The following SLK variants were observed in gnomAD, a reference collection of about 807,000 sequenced individuals.
SLK encodes STE20 like kinase.
SLK carries 67 observed loss-of-function variants against 147.7 expected under a neutral mutation model. The observed-to-expected ratio is 0.45, with a 90% CI of 0.37 to 0.56. SLK has a LOEUF of 0.56. SLK is among the 20% of genes least tolerant of loss of function. The probability of loss-of-function intolerance (pLI) is 0.00; values close to 1 mark genes in which losing one functional copy is unlikely to be tolerated. For missense variants in SLK, 1,136 were observed against 1,438.8 expected, an observed-to-expected ratio of 0.79 and a Z score of 3.41; for synonymous variants, 441 against 475.0, an observed-to-expected ratio of 0.93 and a Z score of 0.93.
Position 103,967,628 on chromosome 10 carries a change from C to T in SLK, c.-118C>T. Reference sequence around the variant, plus strand: ...ACCGCCCGGCCGGAGCTGCGGGGGCCGAGGGACGCCGCGCCCGCCGCCGCC... The same window carrying T: ...ACCGCCCGGCCGGAGCTGCGGGGGCTGAGGGACGCCGCGCCCGCCGCCGCC... On this transcript the variant is annotated 5_prime_UTR_variant, in exon 1 of 19. Transcript: ENST00000369755. The T allele has an allele frequency of 2.5e-6, 2 of 791,574 alleles. No individual in the cohort carries two copies. The highest frequency in any genetic ancestry group is 3.5e-6 in the Non-Finnish European group (2 of 575,748). 49.0% of individuals were successfully genotyped at this position (791,574 alleles called of 1,614,324 possible).
In SLK at chr10:104,021,743, A is replaced by C. The variant is rs1844537272; in HGVS notation, c.3561+10A>C. On this transcript the variant is annotated intron_variant, in intron 18 of 18. Coordinates refer to ENST00000369755, the MANE Select transcript of SLK (RefSeq NM_014720.4). Reference sequence around the variant, plus strand: ...GAGACCTAGGAAAAAGGTAATTTTAAAAGCTTTAATTAAAATGATATGTGT... The same window carrying C: ...GAGACCTAGGAAAAAGGTAATTTTACAAGCTTTAATTAAAATGATATGTGT... 1.4e-6 allele frequency: 2 copies of C among 1,455,884 alleles called. No individual in the cohort carries two copies. The highest frequency in any genetic ancestry group is 1.9e-6 in the Non-Finnish European group (2 of 1,040,388). The allele number at this position is 1,455,884 out of a possible 1,614,324, so 90.2% of individuals were successfully genotyped here. A position where few individuals can be genotyped will look rare whatever the true frequency, so the allele number is the denominator to read the frequency against.
intron 1 of SLK, among the ~76,000 whole-genome samples, chr10:103,982,821 AC>A (rs1843963803): frequency 6.6e-6 from 1 of 152,226 alleles, no homozygotes; most frequent in Non-Finnish European, 1.5e-5. Context: ...TGAAGAGATG[AC>A]CAGAGGACGG....
intron 1 of SLK, among the ~76,000 whole-genome samples, chr10:103,981,183 G>GT (rs60741360): frequency 1.3e-5 from 2 of 148,702 alleles, no homozygotes; most frequent in South Asian, 2.1e-4. Flanking sequence ...CTAGTTGTGG[G>GT]TTTTTTTTGT....
chr10:103,977,911 A>G (rs1286620684), intron 1 of SLK, among the ~76,000 whole-genome samples: 2 of 152,206 alleles, frequency 1.3e-5, no homozygotes, highest in Non-Finnish European at 2.9e-5. Flanking sequence ...GAACATACAC[A>G]TATCAACTAC....
intron 15 of SLK, 132 bp from the exon 16 acceptor site, chr10:104,019,602 A>G (rs1814402933): frequency 1.4e-6 from 1 of 740,430 alleles, no homozygotes; most frequent in Admixed American, 2.3e-5. Flanking sequence ...TGTGCCTAGT[A>G]TTTTGCTGGT....
chr10:103,971,430 G>A (rs1269043602), intron 1 of SLK, among the ~76,000 whole-genome samples: 2 of 151,972 alleles, frequency 1.3e-5, no homozygotes, highest in Admixed American at 1.3e-4. Context: ...ACGCACCACC[G>A]TGCCGGGCTA....
At position 103,999,270 on chromosome 10, in the gene SLK, A is replaced by G; in HGVS notation, c.739A>G (p.Ile247Val). 6.2e-7 allele frequency: 1 copy of G among 1,613,308 alleles called. No individual in the cohort carries two copies. The highest frequency in any genetic ancestry group is 1.1e-5 in the South Asian group (1 of 90,870). Residue 247 changes from isoleucine (I) to valine (V), a missense_variant, in exon 6 of 19, where the codon ATA becomes GTA. Around this residue, in one of 6 missense-constraint regions of SLK, gnomAD observed 141 missense variants for 219.3 expected, o/e 0.64. Transcript: ENST00000369755. ...AAATCCAATGCGAGTGCTGCTAAAA[A>G]TAGCAAAATCTGAGCCACCTACATT... ...ELNPMRVLLK[I>V]AKSEPPTLAQ...
chr10:103,997,648 T>C (rs1844192851), intron 4 of SLK, among the ~76,000 whole-genome samples: 1 of 152,158 alleles, frequency 6.6e-6, no homozygotes, highest in East Asian at 1.9e-4. Flanking sequence ...ATGAATTTGT[T>C]GTATTATTTG....
intron 3 of SLK, 37 bp from the exon 4 acceptor site, chr10:103,992,947 T>C (rs1006729700): frequency 3.2e-6 from 5 of 1,545,302 alleles, no homozygotes; most frequent in South Asian, 1.2e-5. Flanking sequence ...TTTCACTGTA[T>C]AAAAAGCAGA....
At chr10:103,994,408 C>T (rs754090307) in intron 4 of SLK, among the ~76,000 whole-genome samples, 12 of 152,126 alleles carry the variant, frequency 7.9e-5, no homozygotes, top group Non-Finnish European at 1.8e-4. Context: ...GGCTTAGTCA[C>T]CCAGTATTCA....
At chr10:103,995,631 G>T (rs1433327848) in intron 4 of SLK, among the ~76,000 whole-genome samples, 1 of 151,772 alleles carries the variant, frequency 6.6e-6, no homozygotes, top group Non-Finnish European at 1.5e-5. Context: ...TCACCATGTT[G>T]ACCGGGCTGG....
rs1589547808 is a variant in SLK at position 104,020,544 on chromosome 10, A to G, written c.3378A>G (p.Lys1126=). 6.2e-7 allele frequency: 1 copy of G among 1,614,018 alleles called. No homozygotes were observed. Among genetic ancestry groups the G allele is most frequent in the Non-Finnish European group, 8.5e-7 (1 of 1,179,922 alleles). ...ATGAGAGAATGGCTCAGCATCAGAAACATGAGAATCAAATGCGAGATCTTC... is the reference window on the plus strand; with the variant it reads ...ATGAGAGAATGGCTCAGCATCAGAAGCATGAGAATCAAATGCGAGATCTTC... ...QKNERMAQHQ[K]HENQMRDLQL... The change falls in exon 17 of 19, where the codon AAA becomes AAG. Residue 1126 remains lysine, a synonymous_variant. Coordinates refer to ENST00000369755, the MANE Select transcript of SLK (RefSeq NM_014720.4).
chr10:103,985,583 C>G (rs941567247), intron 1 of SLK, among the ~76,000 whole-genome samples: 9 of 151,960 alleles, frequency 5.9e-5, no homozygotes, highest in African/African-American at 2.2e-4. Flanking sequence ...TTTTTAGATT[C>G]CTTTTGTATT....
chr10:104,017,156 A>T (rs1209755462), intron 13 of SLK, among the ~76,000 whole-genome samples: 1 of 152,224 alleles, frequency 6.6e-6, no homozygotes, highest in Non-Finnish European at 1.5e-5. Flanking sequence ...ATTCGGGTAG[A>T]TAGTATGTAC....
chr10:104,008,558 G>A (rs914448031), intron 12 of SLK, among the ~76,000 whole-genome samples: 1 of 152,170 alleles, frequency 6.6e-6, no homozygotes, highest in Non-Finnish European at 1.5e-5. Flanking sequence ...GAAAACTGGA[G>A]TAAGAGAGGT....
chr10:104,008,149 TA>T, intron 11 of SLK, 27 bp from the exon 12 acceptor site: 1 of 1,575,728 alleles, frequency 6.3e-7, no homozygotes, highest in Non-Finnish European at 8.6e-7. Context: ...ATGGAAAAGT[TA>T]TCATCTTGAG....
At chr10:103,981,221 G>T (rs950824299) in intron 1 of SLK, among the ~76,000 whole-genome samples, 24 of 151,878 alleles carry the variant, frequency 1.6e-4, no homozygotes, top group Non-Finnish European at 3.1e-4. Context: ...TTGAGTTTTA[G>T]GAGTTGTCTG....
At chr10:103,985,456 A>G (rs953813077) in intron 1 of SLK, among the ~76,000 whole-genome samples, 1 of 152,240 alleles carries the variant, frequency 6.6e-6, no homozygotes, top group Non-Finnish European at 1.5e-5. Context: ...GTTCTTACAC[A>G]CTGGACAATT....
rs941701027 is a variant in SLK, at chr10:104,019,929, A to G, written c.3321+7A>G. The G allele has an allele frequency of 5.0e-6, 8 of 1,602,362 alleles. No individual in the cohort carries two copies. Among genetic ancestry groups the G allele is most frequent in the Non-Finnish European group, 6.8e-6 (8 of 1,171,476 alleles). ...CCGTGATAAAATTAAACAGGTAAAT[A>G]TGCAAGTTAGTCTCTTCTCTTTTAG... On this transcript the variant is annotated splice_region_variant and intron_variant, in intron 16 of 18. Transcript: ENST00000369755.
Sources: allele counts gnomAD v4.1 joint callset (sites outside exome capture counted in the v4.1 genomes callset), GRCh38; gene constraint gnomAD v4.1.1; regional missense constraint gnomAD v4.1.1; transcripts MANE v1.5; gene names NCBI Gene and HGNC (gene_info 2026-07-23, HGNC 2026-07-21).